ZBBX: variants seen among roughly 807,000 people sequenced by gnomAD.
The protein encoded by ZBBX is zinc finger B-box domain containing.
In ZBBX, 101 loss-of-function variants were observed where a neutral mutation model predicts 108.5. That is an observed-to-expected ratio of 0.93 (90% CI 0.79 to 1.10). The LOEUF (loss-of-function observed/expected upper bound fraction) is 1.10, where lower values mean the gene tolerates loss of function less well. ZBBX is among the 50% of genes least tolerant of loss of function. The probability of loss-of-function intolerance (pLI) is 0.00; values close to 1 mark genes in which losing one functional copy is unlikely to be tolerated. For synonymous variants in ZBBX, 356 were observed against 323.4 expected (o/e 1.10, Z -1.08); for missense variants, 1,009 against 941.4 (o/e 1.07, Z -0.94).
intron 4 of ZBBX, among the ~76,000 whole-genome samples, chr3:167,370,781 A>T (rs1267997041): frequency 6.6e-6 from 1 of 152,182 alleles, no homozygotes; most frequent in Non-Finnish European, 1.5e-5. Flanking sequence ...TTATTGTTTA[A>T]GAGATTTCTT....
intron 10 of ZBBX, among the ~76,000 whole-genome samples, chr3:167,332,663 C>A (rs114962665): frequency 4.7e-4 from 72 of 152,210 alleles, no homozygotes; most frequent in Non-Finnish European, 9.4e-4. Flanking sequence ...CAATGCCTAG[C>A]ATAAGGTGTT....
At chr3:167,193,270 G>T in the ZBBX span, among the ~76,000 whole-genome samples, 5 of 152,142 alleles carry the variant, frequency 3.3e-5, no homozygotes, top group African/African-American at 4.8e-5. Flanking sequence ...CCTGAATGGG[G>T]GTGGTTCCAA....
At chr3:167,258,980 G>C (rs1458391390) in intron 20 of ZBBX, among the ~76,000 whole-genome samples, 1 of 152,102 alleles carries the variant, frequency 6.6e-6, no homozygotes, top group Non-Finnish European at 1.5e-5. Context: ...GGTGATGCTG[G>C]CTTCATAGAA....
intron 19 of ZBBX, among the ~76,000 whole-genome samples, chr3:167,286,428 C>T (rs1403620519): frequency 6.6e-6 from 1 of 152,132 alleles, no homozygotes; most frequent in Non-Finnish European, 1.5e-5. Context: ...GTACGATTCA[C>T]TTCCTATAAA....
chr3:167,400,324 A>C (rs1487335628), intron 1 of ZBBX, among the ~76,000 whole-genome samples: 1 of 152,190 alleles, frequency 6.6e-6, no homozygotes, highest in African/African-American at 2.4e-5. Context: ...TTCCACCAAC[A>C]GTATATAAGC....
chr3:167,330,577 A>G (rs908790856), intron 10 of ZBBX, among the ~76,000 whole-genome samples: 1 of 152,014 alleles, frequency 6.6e-6, no homozygotes, highest in Non-Finnish European at 1.5e-5. Context: ...CCTTAATCTA[A>G]TAGGATTGGT....
Position 167,333,882 on chromosome 3 carries a change from G to A in ZBBX, c.632C>T (p.Thr211Ile). The change falls in exon 10 of 22, where the codon ACC (threonine) becomes ATC (isoleucine). Residue 211 changes from threonine to isoleucine, a missense_variant. Coordinates refer to ENST00000675490, the MANE Select transcript of ZBBX (RefSeq NM_001199201.2). ...TTTGGGTTTATGTTGAATTTTACTG[G>A]TTTCCTTTGTAGAATTATTCTCCTC... ...PKEENNSTKE[T>I]SKIQHKPKSV... 1 of 1,612,432 alleles carries A rather than the reference G, an allele frequency of 6.2e-7. No individual in the cohort carries two copies. Among genetic ancestry groups the A allele is most frequent in the Non-Finnish European group, 8.5e-7 (1 of 1,179,262 alleles).
chr3:167,251,324 G>A (rs983830909), intron 20 of ZBBX, among the ~76,000 whole-genome samples: 6 of 152,176 alleles, frequency 3.9e-5, no homozygotes, highest in Non-Finnish European at 5.9e-5. Context: ...CAAGGTAGAG[G>A]GTCTAACTGA....
Position 167,372,872 on chromosome 3 carries a change from T to A in ZBBX, c.30A>T (p.Pro10=). Residue 10 remains proline, a synonymous_variant, in exon 4 of 22, where the codon CCA becomes CCT. Transcript: ENST00000675490. MNRKDFVVL[P]WGKPGNSVKL... ...TTACAGAATTTCCAGGTTTTCCCCA[T>A]GGAAGAACTACAAAATCTTTTCTGT... 4.4e-6 allele frequency: 7 copies of A among 1,601,012 alleles called. No homozygotes were observed. Among genetic ancestry groups the A allele is most frequent in the Non-Finnish European group, 6.0e-6 (7 of 1,173,022 alleles).
intron 11 of ZBBX, among the ~76,000 whole-genome samples, chr3:167,323,689 T>G (rs1275879022): frequency 6.6e-6 from 1 of 152,120 alleles, no homozygotes; most frequent in East Asian, 1.9e-4. Flanking sequence ...CATAAGATTC[T>G]CCATCCTCAA....
intron 1 of ZBBX, among the ~76,000 whole-genome samples, chr3:167,401,186 C>T (rs1291347722): frequency 2.0e-5 from 3 of 152,088 alleles, no homozygotes; most frequent in Non-Finnish European, 4.4e-5. Flanking sequence ...ATATCAGGGC[C>T]ACAACAGAAG....
chr3:167,371,214 A>G (rs1449102427), intron 4 of ZBBX, among the ~76,000 whole-genome samples: 2 of 152,172 alleles, frequency 1.3e-5, no homozygotes, highest in African/African-American at 2.4e-5. Context: ...TGACATACAC[A>G]TTAGTTATCA....
At chr3:167,275,558 G>A (rs1200220694) in intron 20 of ZBBX, among the ~76,000 whole-genome samples, 1 of 152,210 alleles carries the variant, frequency 6.6e-6, no homozygotes, top group Non-Finnish European at 1.5e-5. Context: ...CCCGAATACT[G>A]CGCTTTTCCA....
At chr3:167,369,291 C>G (rs1190826716) in intron 4 of ZBBX, among the ~76,000 whole-genome samples, 1 of 152,196 alleles carries the variant, frequency 6.6e-6, no homozygotes, top group Non-Finnish European at 1.5e-5. Flanking sequence ...AAATCTCTTC[C>G]TTCAATATTA....
chr3:167,317,370 A>G, intron 13 of ZBBX, 118 bp downstream of exon 13: 1 of 743,654 alleles, frequency 1.3e-6, no homozygotes, highest in Non-Finnish European at 2.1e-6. Flanking sequence ...AGAAAAGATT[A>G]CATGGTACAA....
intron 5 of ZBBX, among the ~76,000 whole-genome samples, chr3:167,367,940 G>A (rs1179282242): frequency 7.1e-6 from 1 of 141,286 alleles, no homozygotes; most frequent in Non-Finnish European, 1.5e-5. Context: ...ATATACATAA[G>A]GGTTTGAGCA....
intron 18 of ZBBX, among the ~76,000 whole-genome samples, chr3:167,295,317 AAAGAAAGTGT>A (rs1447182667): frequency 6.6e-6 from 1 of 152,148 alleles, no homozygotes; most frequent in Non-Finnish European, 1.5e-5. Context: ...TAGACTGGAT[AAAGAAAGTGT>A]GGTACATATA....
At chr3:167,333,740 A>T in intron 10 of ZBBX, 87 bp downstream of exon 10, 2 of 1,175,486 alleles carry the variant, frequency 1.7e-6, no homozygotes, top group Non-Finnish European at 2.3e-6. Flanking sequence ...TTATTGGTGA[A>T]ATTCTATAGC....
the ZBBX span, among the ~76,000 whole-genome samples, chr3:167,199,308 G>A: frequency 6.6e-6 from 1 of 152,166 alleles, no homozygotes; most frequent in Admixed American, 6.5e-5. Flanking sequence ...GAACTTTCCA[G>A]TTCATCTGGC....
Sources: allele counts gnomAD v4.1 joint callset (sites outside exome capture counted in the v4.1 genomes callset), GRCh38; gene constraint gnomAD v4.1.1; transcripts MANE v1.5; gene names NCBI Gene and HGNC (gene_info 2026-07-23, HGNC 2026-07-21).